Variants in SLC71A2 observed in about 807,000 individuals in gnomAD.
The protein encoded by SLC71A2 is solute carrier family 71 member 2.
chr9:94,387,367 G>A, the SLC71A2 span, among the ~76,000 whole-genome samples: 1 of 151,946 alleles, frequency 6.6e-6, no homozygotes, highest in Non-Finnish European at 1.5e-5. Context: ...TAAAAACCTG[G>A]ATGTTTTCCC....
the SLC71A2 span, among the ~76,000 whole-genome samples, chr9:94,385,430 C>G: frequency 6.6e-6 from 1 of 152,190 alleles, no homozygotes. Context: ...TTCTCTCTCT[C>G]TTTTCTAGTG....
At chr9:94,404,458 G>T in the SLC71A2 span, among the ~76,000 whole-genome samples, 1 of 151,902 alleles carries the variant, frequency 6.6e-6, no homozygotes. Context: ...ACCATGCCTG[G>T]CTAATTTTTG....
At chr9:94,452,725 AATAG>A in the SLC71A2 span, among the ~76,000 whole-genome samples, 8 of 99,666 alleles carry the variant, frequency 8.0e-5, no homozygotes, top group South Asian at 1.1e-3. Context: ...ATATATATAT[AATAG>A]ATATTATATA....
the SLC71A2 span, among the ~76,000 whole-genome samples, chr9:94,443,856 G>A: frequency 6.6e-6 from 1 of 152,090 alleles, no homozygotes; most frequent in Non-Finnish European, 1.5e-5. Context: ...AAAACCTGAG[G>A]GCAAGAGCTT....
chr9:94,419,331 G>C, the SLC71A2 span, among the ~76,000 whole-genome samples: 5 of 135,206 alleles, frequency 3.7e-5, no homozygotes, highest in African/African-American at 5.5e-5. Flanking sequence ...GTCTCTCTCT[G>C]TTGCCCAGGC....
the SLC71A2 span, among the ~76,000 whole-genome samples, chr9:94,452,144 A>T: frequency 6.6e-6 from 1 of 152,262 alleles, no homozygotes; most frequent in African/African-American, 2.4e-5. Flanking sequence ...GTAAATAATT[A>T]TAATCTATCT....
At chr9:94,451,778 T>G in the SLC71A2 span, among the ~76,000 whole-genome samples, 2 of 152,226 alleles carry the variant, frequency 1.3e-5, no homozygotes, top group East Asian at 3.8e-4. Context: ...GAGGTTGTAA[T>G]TTAGGGGAAA....
chr9:94,382,757 A>G, the SLC71A2 span, among the ~76,000 whole-genome samples: 6 of 151,986 alleles, frequency 3.9e-5, no homozygotes, highest in African/African-American at 1.5e-4. Flanking sequence ...GCTCACTGCA[A>G]TCTCTGCCTC....
At chr9:94,404,467 T>A in the SLC71A2 span, among the ~76,000 whole-genome samples, 6 of 152,158 alleles carry the variant, frequency 3.9e-5, no homozygotes, top group African/African-American at 1.4e-4. Context: ...GGCTAATTTT[T>A]GTATTTTTAC....
the SLC71A2 span, among the ~76,000 whole-genome samples, chr9:94,380,119 T>C: frequency 6.6e-6 from 1 of 152,070 alleles, no homozygotes; most frequent in Non-Finnish European, 1.5e-5. Flanking sequence ...TACAAAAAAT[T>C]AGCCAGGCGT....
At chr9:94,439,842 A>G in the SLC71A2 span, among the ~76,000 whole-genome samples, 1 of 152,008 alleles carries the variant, frequency 6.6e-6, no homozygotes, top group Non-Finnish European at 1.5e-5. Flanking sequence ...GAGCTCTTCT[A>G]ATTGCTTGGT....
At chr9:94,431,174 G>C in the SLC71A2 span, among the ~76,000 whole-genome samples, 5 of 152,090 alleles carry the variant, frequency 3.3e-5, no homozygotes, top group African/African-American at 1.2e-4. Flanking sequence ...TTAGCTGGTC[G>C]TGGTGGCGGG....
chr9:94,383,754 A>C, the SLC71A2 span, among the ~76,000 whole-genome samples: 948 of 152,106 alleles, frequency 6.2e-3, 8 homozygotes, highest in African/African-American at 0.021. Flanking sequence ...GAATTGATCA[A>C]GTCTTCTGAT....
At chr9:94,429,040 A>G in the SLC71A2 span, 61 of 1,158,148 alleles carry the variant, frequency 5.3e-5, no homozygotes, top group Non-Finnish European at 7.3e-5. Context: ...GATGTACCAC[A>G]GTTTGTTTGT....
At chr9:94,389,580 A>C in the SLC71A2 span, among the ~76,000 whole-genome samples, 2 of 147,776 alleles carry the variant, frequency 1.4e-5, no homozygotes, top group Non-Finnish European at 3.0e-5. Flanking sequence ...TGCCCAGCCT[A>C]TGCTTAATTC....
At chr9:94,442,572 C>T in the SLC71A2 span, among the ~76,000 whole-genome samples, 6 of 152,062 alleles carry the variant, frequency 3.9e-5, no homozygotes, top group East Asian at 1.9e-4. Flanking sequence ...AAAAATAGGC[C>T]GGGTGCGGTG....
the SLC71A2 span, among the ~76,000 whole-genome samples, chr9:94,452,214 TAGAAATGAAAAGC>T: frequency 1.3e-5 from 2 of 152,168 alleles, no homozygotes; most frequent in African/African-American, 2.4e-5. Flanking sequence ...GAAAAGTAAG[TAGAAATGAAAAGC>T]AGAAATGAAA....
chr9:94,459,063 C>A, the SLC71A2 span: 1 of 1,268,770 alleles, frequency 7.9e-7, no homozygotes, highest in Non-Finnish European at 1.1e-6. Context: ...ATATGATTCA[C>A]TTTTTGGTGG....
the SLC71A2 span, among the ~76,000 whole-genome samples, chr9:94,380,002 T>G: frequency 6.6e-6 from 1 of 152,226 alleles, no homozygotes; most frequent in Non-Finnish European, 1.5e-5. Flanking sequence ...ACGCGGTGGC[T>G]TACGCCTATA....
Sources: allele counts gnomAD v4.1 joint callset (sites outside exome capture counted in the v4.1 genomes callset), GRCh38; gene constraint gnomAD v4.1.1; transcripts MANE v1.5; gene names NCBI Gene and HGNC (gene_info 2026-07-23, HGNC 2026-07-21).